The following FGF13 variants were observed in gnomAD, a reference collection of about 807,000 sequenced individuals.
FGF13 encodes the protein fibroblast growth factor homologous factor 2.
Under a neutral mutation model 19.5 loss-of-function variants are expected in FGF13, and 2 were observed. That is an observed-to-expected ratio of 0.10 (90% CI 0.04 to 0.32). The LOEUF (loss-of-function observed/expected upper bound fraction) is 0.32, where lower values mean the gene tolerates loss of function less well. Ranked by LOEUF, FGF13 falls within the 10% of genes least tolerant of loss-of-function variation. FGF13 has a pLI of 1.00. For missense variants in FGF13, 113 were observed against 192.7 expected, an observed-to-expected ratio of 0.59 and a Z score of 2.45; for synonymous variants, 72 against 76.9, an observed-to-expected ratio of 0.94 and a Z score of 0.33.
intron 3 of FGF13, among the ~76,000 whole-genome samples, chrX:138,687,611 A>T (rs1476659993): frequency 8.9e-6 from 1 of 112,008 alleles, no homozygotes; most frequent in African/African-American, 3.2e-5. Flanking sequence ...AAATACTAAA[A>T]ATAAAACTAC....
chrX:138,978,190 T>C (rs759836813), intron 1 of FGF13, among the ~76,000 whole-genome samples: 1 of 110,427 alleles, frequency 9.1e-6, no homozygotes, highest in African/African-American at 3.3e-5. Context: ...GTCTGTTCTC[T>C]CTGCCTCATA....
chrX:138,911,209 C>A (rs376266801), intron 1 of FGF13, among the ~76,000 whole-genome samples: 1 of 111,633 alleles, frequency 9.0e-6, no homozygotes, highest in African/African-American at 3.3e-5. Flanking sequence ...TTTGCCTGAG[C>A]GCACCTCCAG....
chrX:138,713,608 A>ATTCAG (rs1181814226), upstream of FGF13, among the ~76,000 whole-genome samples: 1 of 111,994 alleles, frequency 8.9e-6, no homozygotes, highest in Admixed American at 9.4e-5. Context: ...GATAGACCTT[A>ATTCAG]GAAGAAGAGA....
At chrX:139,001,191 G>A (rs1212528936) in intron 1 of FGF13, among the ~76,000 whole-genome samples, 2 of 111,629 alleles carry the variant, frequency 1.8e-5, no homozygotes, top group Non-Finnish European at 3.8e-5. Context: ...AACACCAGAT[G>A]GATTAAAGAC....
intron 1 of FGF13, among the ~76,000 whole-genome samples, chrX:139,149,691 G>T (rs1159289005): frequency 8.9e-6 from 1 of 112,003 alleles, no homozygotes; most frequent in Admixed American, 9.5e-5. Context: ...ATCCCCATAG[G>T]TTACTTTTTC....
chrX:138,753,899 T>G (rs1385809841), intron 3 of FGF13, among the ~76,000 whole-genome samples: 1 of 112,242 alleles, frequency 8.9e-6, no homozygotes, highest in East Asian at 2.8e-4. Flanking sequence ...TGTGTCTTAC[T>G]GCTCTCTAAA....
At chrX:138,737,463 C>T (rs1434775761) in intron 1 of FGF13, among the ~76,000 whole-genome samples, 2 of 111,781 alleles carry the variant, frequency 1.8e-5, no homozygotes, top group African/African-American at 3.3e-5. Context: ...CAATCTGTCC[C>T]ACAGCTTGCA....
chrX:139,065,531 C>G (rs1478828882), intron 1 of FGF13, among the ~76,000 whole-genome samples: 2 of 106,907 alleles, frequency 1.9e-5, no homozygotes, highest in Non-Finnish European at 3.9e-5. Context: ...GCAATCATCT[C>G]TCATAAAACA....
chrX:138,983,414 T>TTATATA (rs377155816), intron 1 of FGF13, among the ~76,000 whole-genome samples: 1,722 of 81,164 alleles, frequency 0.021, 58 homozygotes, highest in African/African-American at 0.066. Flanking sequence ...TAAGTTGATC[T>TTATATA]TATATATATA....
At chrX:138,739,776 A>G (rs1160634684), upstream of FGF13, among the ~76,000 whole-genome samples, 2 of 111,726 alleles carry the variant, frequency 1.8e-5, no homozygotes, top group African/African-American at 6.5e-5. Context: ...ATGAATAGAA[A>G]ACGCTACAAG....
At chrX:138,760,831 T>G (rs2090461786) in intron 3 of FGF13, among the ~76,000 whole-genome samples, 1 of 111,659 alleles carries the variant, frequency 9.0e-6, no homozygotes. Flanking sequence ...CAGATTAGAA[T>G]CCATATCTAA....
intron 1 of FGF13, among the ~76,000 whole-genome samples, chrX:139,071,751 C>T (rs1009523704): frequency 1.3e-4 from 14 of 110,487 alleles, no homozygotes; most frequent in Non-Finnish European, 2.6e-4. Context: ...GATGCGGTGG[C>T]TCACCCCTGT....
At chrX:138,735,914 T>C (rs913518391) in intron 1 of FGF13, among the ~76,000 whole-genome samples, 2 of 112,335 alleles carry the variant, frequency 1.8e-5, no homozygotes, top group African/African-American at 6.5e-5. Context: ...AAAGGCTCCT[T>C]TCTTTACTGC....
chrX:138,885,660 T>A (rs906339376), intron 1 of FGF13, among the ~76,000 whole-genome samples: 4 of 106,899 alleles, frequency 3.7e-5, no homozygotes, highest in Admixed American at 1.0e-4. Flanking sequence ...CTCCTTTAGT[T>A]CATTATTCAG....
chrX:139,173,883 G>C (rs1283886600), intron 1 of FGF13, among the ~76,000 whole-genome samples: 1 of 111,662 alleles, frequency 9.0e-6, no homozygotes, highest in Non-Finnish European at 1.9e-5. Context: ...TGTCTTTATA[G>C]CAGAACGATT....
chrX:138,629,611 G>C lies in FGF13; in HGVS notation c.*3239C>G, dbSNP rs2124083784. 1 of 111,848 alleles carries C rather than the reference G, an allele frequency of 8.9e-6. No individual in the cohort carries two copies. Among genetic ancestry groups the C allele is most frequent in the Admixed American group, 9.6e-5 (1 of 10,459 alleles). The allele number at this position is 111,848 out of a possible 1,213,427, so 9.2% of individuals were successfully genotyped here. The stretch of plus-strand genomic sequence containing the variant: ...TCTGCCATGATGGTAAGTTTCCTGA[G>C]GCCTCCCCAGCCATGCAGAACTGTG... On this transcript the variant is annotated 3_prime_UTR_variant, in exon 5 of 5. Transcript: ENST00000315930.
intron 1 of FGF13, among the ~76,000 whole-genome samples, chrX:138,868,355 C>A (rs957467506): frequency 9.4e-6 from 1 of 106,184 alleles, no homozygotes; most frequent in African/African-American, 3.8e-5. Context: ...TTCCAGCCAG[C>A]GGGGCCCAGT....
At chrX:139,043,982 G>C (rs1470731057) in intron 1 of FGF13, among the ~76,000 whole-genome samples, 5 of 111,468 alleles carry the variant, frequency 4.5e-5, no homozygotes, top group Non-Finnish European at 5.6e-5. Flanking sequence ...AAAGTTGCAG[G>C]GGGAGGTAAT....
chrX:138,643,828 G>A (rs2089277474), intron 3 of FGF13, among the ~76,000 whole-genome samples: 1 of 111,160 alleles, frequency 9.0e-6, no homozygotes, highest in Non-Finnish European at 1.9e-5. Flanking sequence ...TGGCAGTGTT[G>A]ATCTATGTGT....
Sources: gnomAD v4.1 joint callset for allele counts (sites outside exome capture counted in the v4.1 genomes callset) on GRCh38, gnomAD v4.1.1 for gene constraint, MANE v1.5 for transcripts, NCBI Gene and HGNC (gene_info 2026-07-23, HGNC 2026-07-21) for gene names.